BBOF1: variants seen among roughly 807,000 people sequenced by gnomAD.
BBOF1 encodes basal body orientation factor 1, also known as basal body-orientation factor 1.
In BBOF1, 62 loss-of-function variants were observed where a neutral mutation model predicts 68.0. The observed-to-expected ratio is 0.91, with a 90% CI of 0.74 to 1.13. The LOEUF is 1.13. Among genes scored for constraint, BBOF1 ranks in the 50% most tolerant of loss-of-function variants. The probability of loss-of-function intolerance (pLI) is 0.00; values close to 1 mark genes in which losing one functional copy is unlikely to be tolerated. For missense variants in BBOF1, 534 were observed against 600.1 expected (o/e 0.89, Z 1.15); for synonymous variants, 208 against 198.8 (o/e 1.05, Z -0.39).
intron 8 of BBOF1, 73 bp from the exon 9 acceptor site, chr14:74,055,511 T>C (rs1183858950): frequency 1.0e-6 from 1 of 972,542 alleles, no homozygotes; most frequent in African/African-American, 1.6e-5. Flanking sequence ...CCATTATATA[T>C]TTTTTAAAAA....
intron 5 of BBOF1, among the ~76,000 whole-genome samples, chr14:74,045,020 G>T (rs925871180): frequency 6.6e-6 from 1 of 152,118 alleles, no homozygotes; most frequent in African/African-American, 2.4e-5. Context: ...AAACATGAGC[G>T]AGCAGGCCCG....
At chr14:74,020,389 G>A (rs115141369) in intron 1 of BBOF1, among the ~76,000 whole-genome samples, 48 of 152,222 alleles carry the variant, frequency 3.2e-4, no homozygotes, top group African/African-American at 1.1e-3. Flanking sequence ...GGAACACTAA[G>A]GGTAAGAGAC....
chr14:74,062,055 A>G (rs1189257447), intron 11 of BBOF1, among the ~76,000 whole-genome samples: 3 of 130,156 alleles, frequency 2.3e-5, no homozygotes, highest in Admixed American at 7.4e-5. Flanking sequence ...TACTGGGAAA[A>G]AAAAAAAAAA....
Position 74,078,846 on chromosome 14 carries a change from G to A in BBOF1, n.1536+494G>A, listed in dbSNP as rs1296676492. The stretch of plus-strand genomic sequence containing the variant: ...ACCTGGCCACATTTTTGTATTTTTA[G>A]TAGAGACAGTGTTTCACCTTGTTGG... On this transcript the variant is annotated intron_variant and non_coding_transcript_variant, in intron 10 of 12. Transcript: ENST00000492026. Among the ~76,000 whole-genome samples, 5 of 151,436 alleles carry A rather than the reference G, an allele frequency of 3.3e-5. 1 individual carries two copies. The highest frequency in any genetic ancestry group is 3.3e-4 in the Admixed American group (5 of 15,200).
At chr14:74,049,681 C>T (rs1269691638) in intron 7 of BBOF1, 21 bp from the exon 8 acceptor site, 2 of 1,546,776 alleles carry the variant, frequency 1.3e-6, no homozygotes, top group Non-Finnish European at 1.7e-6. Context: ...AAAAAATCAC[C>T]TCTCATCTTT....
chr14:74,020,921 G>T (rs905494613), intron 1 of BBOF1, among the ~76,000 whole-genome samples: 4 of 152,144 alleles, frequency 2.6e-5, no homozygotes, highest in Non-Finnish European at 4.4e-5. Flanking sequence ...AGGCTGAGGG[G>T]TTGGGAATGG....
intron 7 of BBOF1, among the ~76,000 whole-genome samples, chr14:74,048,933 C>T (rs1234379339): frequency 6.6e-6 from 1 of 152,144 alleles, no homozygotes; most frequent in South Asian, 2.1e-4. Context: ...AATGCAGTGG[C>T]ATGATCTTGG....
At chr14:74,070,400 T>A (rs967801809), downstream of BBOF1, among the ~76,000 whole-genome samples, 1 of 151,922 alleles carries the variant, frequency 6.6e-6, no homozygotes, top group South Asian at 2.1e-4. Flanking sequence ...ATGCCTGTAA[T>A]CCCAGCTATT....
downstream of BBOF1, chr14:74,067,002 G>A (rs2060477371): frequency 1.6e-5 from 16 of 997,320 alleles, no homozygotes; most frequent in South Asian, 2.2e-4. Context: ...GACTGCTTGA[G>A]CCCAGGAGTT....
chr14:74,035,990 A>G (rs2059690020), intron 4 of BBOF1, among the ~76,000 whole-genome samples: 2 of 152,158 alleles, frequency 1.3e-5, no homozygotes. Context: ...TTATAGACAC[A>G]TTTTAAAACT....
At chr14:74,082,019 C>A (rs2060673138) in intron 12 of BBOF1, among the ~76,000 whole-genome samples, 1 of 152,100 alleles carries the variant, frequency 6.6e-6, no homozygotes. Context: ...CCAGCCTGGG[C>A]AACATGGTGA....
intron 11 of BBOF1, chr14:74,060,036 G>A (rs1324474156): frequency 6.5e-6 from 1 of 154,788 alleles, no homozygotes; most frequent in Non-Finnish European, 1.4e-5. Context: ...TCTCCCAGTG[G>A]CATTTAGGTA....
intron 11 of BBOF1, 178 bp downstream of exon 11, chr14:74,057,436 A>G: frequency 6.7e-7 from 1 of 1,492,838 alleles, no homozygotes; most frequent in Non-Finnish European, 8.9e-7. Context: ...GTACAAATGC[A>G]TATTATACTA....
At chr14:74,055,828 C>T (rs984737393) in intron 9 of BBOF1, 143 bp downstream of exon 9, 1 of 567,940 alleles carries the variant, frequency 1.8e-6, no homozygotes, top group Non-Finnish European at 3.1e-6. Context: ...TGCTTAACTA[C>T]TGCAGCTCCC....
At chr14:74,028,204 C>T (rs1685266316) in intron 2 of BBOF1, among the ~76,000 whole-genome samples, 1 of 151,756 alleles carries the variant, frequency 6.6e-6, no homozygotes, top group Non-Finnish European at 1.5e-5. Context: ...CCTGTCTCTA[C>T]AAAAAATACA....
At chr14:74,048,185 C>A in intron 7 of BBOF1, 111 bp downstream of exon 7, 2 of 1,010,798 alleles carry the variant, frequency 2.0e-6, no homozygotes, top group Non-Finnish European at 1.4e-6. Flanking sequence ...AGACCATTTT[C>A]ATCTGTCTGG....
At chr14:74,073,877 C>G (rs1289494170) in intron 9 of BBOF1, among the ~76,000 whole-genome samples, 1 of 143,590 alleles carries the variant, frequency 7.0e-6, no homozygotes, top group Non-Finnish European at 1.5e-5. Flanking sequence ...GAGATCACGC[C>G]ACTGCATTCC....
chr14:74,056,841 A>C (rs1224026751), intron 9 of BBOF1, 65 bp from the exon 10 acceptor site: 1 of 1,088,154 alleles, frequency 9.2e-7, no homozygotes, highest in Non-Finnish European at 1.4e-6. Flanking sequence ...ATACAAAAAG[A>C]AAATATGAAG....
chr14:74,036,963 T>C (rs1000627479), intron 4 of BBOF1, among the ~76,000 whole-genome samples: 2 of 142,642 alleles, frequency 1.4e-5, no homozygotes, highest in African/African-American at 5.9e-5. Context: ...TCTTTTTTTT[T>C]TTCTTTTTTC....
Sources: allele counts gnomAD v4.1 joint callset (sites outside exome capture counted in the v4.1 genomes callset), GRCh38; gene constraint gnomAD v4.1.1; transcripts MANE v1.5; gene names NCBI Gene and HGNC (gene_info 2026-07-23, HGNC 2026-07-21).